Variants in TBPL1 observed in about 807,000 individuals in gnomAD.
TBPL1 encodes the protein TATA-box binding protein like 1, also known as TATA box-binding protein-like 1.
In TBPL1, 4 loss-of-function variants were observed where a neutral mutation model predicts 22.1. That is an observed-to-expected ratio of 0.18 (90% CI 0.09 to 0.41). TBPL1 has a LOEUF of 0.41. TBPL1 is among the 10% of genes least tolerant of loss of function. TBPL1 has a pLI of 1.00. For synonymous variants in TBPL1, 64 were observed against 71.0 expected (o/e 0.90, Z 0.50); for missense variants, 115 against 222.3 (o/e 0.52, Z 3.07).
rs138321448 is a variant in TBPL1, at chr6:133,979,654, G to A, written c.-44-428G>A. On this transcript the variant is annotated intron_variant, in intron 1 of 6. Coordinates refer to ENST00000237264, the MANE Select transcript of TBPL1 (RefSeq NM_004865.4). ...TGGGGAAAAGAAAGGACATGATTTG[G>A]TTTGTTTGTTTTGACAGAGTCTCAC... Among the ~76,000 whole-genome samples the A allele has an allele frequency of 4.2e-3, 638 of 152,158 alleles. 6 individuals carry two copies. Among genetic ancestry groups the A allele is most frequent in the Non-Finnish European group, 3.4e-3 (230 of 67,978 alleles).
At chr6:133,956,108 C>T (rs1160832747) in intron 1 of TBPL1, among the ~76,000 whole-genome samples, 1 of 152,004 alleles carries the variant, frequency 6.6e-6, no homozygotes, top group Non-Finnish European at 1.5e-5. Context: ...CAGTAATAAC[C>T]TAGGTGATTG....
intron 1 of TBPL1, among the ~76,000 whole-genome samples, chr6:133,974,004 CAA>C (rs35184454): frequency 4.8e-5 from 6 of 124,564 alleles, no homozygotes; most frequent in Non-Finnish European, 8.3e-5. Context: ...CAGACTTTAC[CAA>C]AAAAAAAAAA....
chr6:133,961,458 T>A (rs1281310663), intron 1 of TBPL1, among the ~76,000 whole-genome samples: 1 of 141,706 alleles, frequency 7.1e-6, no homozygotes, highest in African/African-American at 2.7e-5. Flanking sequence ...TTTAAGATTC[T>A]TTCTTTCTTT....
chr6:133,954,605 T>TA (rs1775895285), intron 1 of TBPL1, among the ~76,000 whole-genome samples: 1 of 152,260 alleles, frequency 6.6e-6, no homozygotes, highest in African/African-American at 2.4e-5. Flanking sequence ...GGTTTTCCTG[T>TA]AGCACAATGA....
chr6:133,986,678 T>C (rs1201545462), intron 6 of TBPL1, among the ~76,000 whole-genome samples: 1 of 152,212 alleles, frequency 6.6e-6, no homozygotes, highest in African/African-American at 2.4e-5. Flanking sequence ...GTACATATTA[T>C]ATTACAGTGC....
rs539815438 is a variant in TBPL1, at chr6:133,969,574, T to A, written c.-44-10508T>A. Among the ~76,000 whole-genome samples, 4 of 152,302 alleles carry A rather than the reference T, an allele frequency of 2.6e-5. No individual in the cohort carries two copies. The East Asian group carries it at 7.7e-4, about 29-fold the overall frequency. ...CATTTGTTAAATGTTTTACGGGTGG[T>A]AAAATATACAGTCTTTTTCTTTGGA... On this transcript the variant is annotated intron_variant, in intron 1 of 6. Coordinates refer to ENST00000237264, the MANE Select transcript of TBPL1 (RefSeq NM_004865.4).
At chr6:133,960,375 CTG>C (rs1776000474) in intron 1 of TBPL1, among the ~76,000 whole-genome samples, 1 of 149,804 alleles carries the variant, frequency 6.7e-6, no homozygotes, top group South Asian at 2.1e-4. Context: ...TAATGGAAAT[CTG>C]TAGGTCTCAG....
chr6:133,952,338 C>G (rs1775845790), upstream of TBPL1: 1 of 152,460 alleles, frequency 6.6e-6, no homozygotes, highest in Admixed American at 6.5e-5. This position sits in a 1 kb window ranked among gnomAD's most constrained non-coding sequence, Gnocchi z 4.5. Flanking sequence ...GGAGGGTCTC[C>G]GTTCCTAGAG....
chr6:133,962,066 G>A (rs1357987232), intron 1 of TBPL1, among the ~76,000 whole-genome samples: 6 of 152,104 alleles, frequency 3.9e-5, no homozygotes, highest in African/African-American at 1.4e-4. Flanking sequence ...GGGAAAGGAC[G>A]ATTTAGGCAG....
At chr6:133,985,296 AAATATATATATATATATAT>A (rs1288669859) in intron 6 of TBPL1, among the ~76,000 whole-genome samples, 6 of 69,020 alleles carry the variant, frequency 8.7e-5, no homozygotes, top group Admixed American at 1.6e-4. Context: ...AAAAAAAAAA[AAATATATATATATATATAT>A]ATATATATAT....
chr6:133,955,052 A>AAG (rs1775903674), intron 1 of TBPL1, among the ~76,000 whole-genome samples: 1 of 151,938 alleles, frequency 6.6e-6, no homozygotes, highest in African/African-American at 2.4e-5. Flanking sequence ...TTAAGAAGAA[A>AAG]AAGATAGATT....
intron 1 of TBPL1, among the ~76,000 whole-genome samples, chr6:133,956,249 T>C (rs1162107352): frequency 6.6e-6 from 1 of 152,230 alleles, no homozygotes; most frequent in Non-Finnish European, 1.5e-5. Flanking sequence ...CTCTGGTGTT[T>C]TCAAATTTTA....
chr6:133,983,529 T>C (rs1776452399), intron 4 of TBPL1, among the ~76,000 whole-genome samples: 2 of 152,158 alleles, frequency 1.3e-5, no homozygotes, highest in East Asian at 1.9e-4. Flanking sequence ...TAGAGGGTGA[T>C]AGGAAGAGAC....
At chr6:133,962,947 T>G (rs890969630) in intron 1 of TBPL1, among the ~76,000 whole-genome samples, 2 of 152,180 alleles carry the variant, frequency 1.3e-5, no homozygotes, top group Non-Finnish European at 2.9e-5. Context: ...CAAGAAAGCT[T>G]CTTCAGAATC....
At chr6:133,981,995 T>A (rs1776421800) in intron 2 of TBPL1, among the ~76,000 whole-genome samples, 1 of 152,196 alleles carries the variant, frequency 6.6e-6, no homozygotes, top group Admixed American at 6.5e-5. Flanking sequence ...GAGTATGTAA[T>A]AAGCATCTCA....
chr6:133,983,689 C>T (rs984243944), intron 4 of TBPL1, among the ~76,000 whole-genome samples: 9 of 152,054 alleles, frequency 5.9e-5, no homozygotes, highest in African/African-American at 1.7e-4. Context: ...AAGGATAGTT[C>T]GCTCACCCAA....
chr6:133,955,338 A>G (rs746384821), intron 1 of TBPL1, among the ~76,000 whole-genome samples: 3 of 151,088 alleles, frequency 2.0e-5, no homozygotes, highest in Non-Finnish European at 2.9e-5. Flanking sequence ...CCTCCGCCCC[A>G]ATACTCCCAA....
rs1305976361 is a variant in TBPL1, at chr6:133,987,557, T to G, written c.*517T>G. On this transcript the variant is annotated 3_prime_UTR_variant, in exon 7 of 7. Coordinates refer to ENST00000237264, the MANE Select transcript of TBPL1 (RefSeq NM_004865.4). ...TAACAAAAATTGTATTCATACTTCT[T>G]TTTTTTAAAATCTATGCAAGCTTAA... The G allele has an allele frequency of 5.3e-5, 8 of 152,210 alleles. No individual in the cohort carries two copies. The highest frequency in any genetic ancestry group is 1.9e-4 in the African/African-American group (8 of 41,386). 9.4% of individuals were successfully genotyped at this position (152,210 alleles called of 1,614,324 possible).
In TBPL1 at chr6:133,981,077, A is replaced by G. The variant is rs192212612; in HGVS notation, c.135+817A>G. The stretch of plus-strand genomic sequence containing the variant: ...AACCTCTGCCTCCCAGGTTCAAGCA[A>G]TTCTCCTGTCTCAGCCTCCCAAGTA... On this transcript the variant is annotated intron_variant, in intron 2 of 6. Coordinates refer to ENST00000237264, the MANE Select transcript of TBPL1 (RefSeq NM_004865.4). Among the ~76,000 whole-genome samples the G allele has an allele frequency of 7.2e-3, 1,076 of 149,920 alleles. 6 individuals are homozygous for G. The highest frequency in any genetic ancestry group is 0.012 in the Non-Finnish European group (816 of 67,766).
Sources: gnomAD v4.1 joint callset for allele counts (sites outside exome capture counted in the v4.1 genomes callset) on GRCh38, gnomAD v4.1.1 for gene constraint, Gnocchi (gnomAD v3.1) non-coding constraint, MANE v1.5 for transcripts, NCBI Gene and HGNC (gene_info 2026-07-23, HGNC 2026-07-21) for gene names.